The following CACNA2D2 variants were observed in gnomAD, a reference collection of about 807,000 sequenced individuals.
CACNA2D2 encodes voltage-dependent calcium channel subunit alpha-2/delta-2.
Under a neutral mutation model 166.4 loss-of-function variants are expected in CACNA2D2, and 48 were observed. That is an observed-to-expected ratio of 0.29 (90% CI 0.23 to 0.37). CACNA2D2 has a LOEUF of 0.37. Ranked by LOEUF, CACNA2D2 falls within the 10% of genes least tolerant of loss-of-function variation. The pLI, the probability that CACNA2D2 is intolerant of heterozygous loss-of-function variation, is 1.00. For synonymous variants in CACNA2D2, 561 were observed against 573.7 expected, an observed-to-expected ratio of 0.98 and a Z score of 0.32; for missense variants, 1,122 against 1,433.0, an observed-to-expected ratio of 0.78 and a Z score of 3.50.
chr3:50,432,343 G>A (rs1411816442), intron 3 of CACNA2D2, among the ~76,000 whole-genome samples: 1 of 152,240 alleles, frequency 6.6e-6, no homozygotes, highest in South Asian at 2.1e-4. Flanking sequence ...TGCTGTGCCG[G>A]CCTGGCTGAG....
intron 2 of CACNA2D2, among the ~76,000 whole-genome samples, chr3:50,455,159 T>C (rs1026266840): frequency 6.6e-6 from 1 of 152,142 alleles, no homozygotes; most frequent in African/African-American, 2.4e-5. Flanking sequence ...CTGGTATACA[T>C]GCAGCTGAGC....
At chr3:50,368,916 A>T (rs1435141622) in intron 23 of CACNA2D2, among the ~76,000 whole-genome samples, 1 of 152,186 alleles carries the variant, frequency 6.6e-6, no homozygotes, top group Non-Finnish European at 1.5e-5. Context: ...CAATCCCTCT[A>T]CCCTGATAGG....
chr3:50,480,219 C>G (rs1474144561), intron 1 of CACNA2D2, among the ~76,000 whole-genome samples: 1 of 152,190 alleles, frequency 6.6e-6, no homozygotes, highest in Non-Finnish European at 1.5e-5. Flanking sequence ...GACATTGTAG[C>G]CTTTGGGAAG....
rs1704214193 is a variant in CACNA2D2 at position 50,365,608 on chromosome 3, GA to G, written c.2971+24del. 1.9e-6 allele frequency: 3 copies of G among 1,573,044 alleles called. No homozygotes were observed. The highest frequency in any genetic ancestry group is 2.7e-5 in the African/African-American group (2 of 74,404). ...CTCAGATTGGGGACCCGGACTTGAG[GA>G]GGCGCCTCCAAAGCCCTACCTACCT... On this transcript the variant is annotated intron_variant, in intron 34 of 37. Transcript: ENST00000424201. This position sits in a 1 kb window ranked among gnomAD's most constrained non-coding sequence, Gnocchi z 4.5.
In CACNA2D2 at chr3:50,365,542, C is replaced by T; in HGVS notation, c.2972-60G>A. 1.3e-6 allele frequency: 2 copies of T among 1,599,818 alleles called. No homozygotes were observed. Among genetic ancestry groups the T allele is most frequent in the Non-Finnish European group, 1.7e-6 (2 of 1,173,058 alleles). On this transcript the variant is annotated intron_variant, in intron 34 of 37. Transcript: ENST00000424201. The surrounding 1 kb of genome is among the most constrained non-coding windows in gnomAD (Gnocchi z 4.5). ...AGACCCTGGCAAGGTCTCCGGCCTC[C>T]CTCAGTCGTAGACCCCACCCTCCCC... is the stretch of plus-strand genomic sequence containing the variant.
At chr3:50,403,374 GCCTGA>G (rs1415444291) in intron 3 of CACNA2D2, among the ~76,000 whole-genome samples, 1 of 152,098 alleles carries the variant, frequency 6.6e-6, no homozygotes, top group African/African-American at 2.4e-5. Flanking sequence ...TCTAAACTTG[GCCTGA>G]CCTGTTTTCT....
intron 2 of CACNA2D2, among the ~76,000 whole-genome samples, chr3:50,448,700 C>T (rs1383820204): frequency 6.6e-6 from 1 of 152,118 alleles, no homozygotes; most frequent in Non-Finnish European, 1.5e-5. Context: ...CAGGGAACAT[C>T]TGTGTGTGTG....
chr3:50,370,587 T>C (rs1355580725), intron 22 of CACNA2D2, among the ~76,000 whole-genome samples: 1 of 151,880 alleles, frequency 6.6e-6, no homozygotes, highest in East Asian at 1.9e-4. Flanking sequence ...GACTACAGCA[T>C]CGCAGGAGGA....
chr3:50,478,872 TC>T (rs1482250234), intron 1 of CACNA2D2, among the ~76,000 whole-genome samples: 3 of 152,184 alleles, frequency 2.0e-5, no homozygotes, highest in Non-Finnish European at 4.4e-5. Context: ...ACCATGTTTT[TC>T]CCCCTGGAGA....
chr3:50,366,345 G>C lies in CACNA2D2; in HGVS notation c.2638-7C>G, dbSNP rs780942169. On this transcript the variant is annotated splice_polypyrimidine_tract_variant and splice_region_variant and intron_variant, in intron 30 of 37. Coordinates refer to ENST00000424201, the MANE Select transcript of CACNA2D2 (RefSeq NM_006030.4). The surrounding 1 kb of genome is among the most constrained non-coding windows in gnomAD (Gnocchi z 5.9). ...TGAGGACACAGAGTAAGTCCTAGGA[G>C]GAAGGGAATGGGGAGGAAAATGGAG... 10 of 1,613,730 alleles carry C rather than the reference G, an allele frequency of 6.2e-6. No individual in the cohort carries two copies. The African/African-American group carries it at 1.2e-4, about 19-fold the overall frequency.
intron 2 of CACNA2D2, among the ~76,000 whole-genome samples, chr3:50,439,115 G>A (rs1004161093): frequency 6.6e-6 from 1 of 152,222 alleles, no homozygotes; most frequent in African/African-American, 2.4e-5. Context: ...GTACAGTTCT[G>A]TACCCCACCT....
chr3:50,401,343 A>G (rs1435247250), intron 3 of CACNA2D2, among the ~76,000 whole-genome samples: 2 of 152,180 alleles, frequency 1.3e-5, no homozygotes, highest in African/African-American at 4.8e-5. Flanking sequence ...GCAGCAGGGC[A>G]GCCGCCACTC....
intron 3 of CACNA2D2, among the ~76,000 whole-genome samples, chr3:50,407,727 T>A (rs1302332960): frequency 6.6e-6 from 1 of 152,134 alleles, no homozygotes; most frequent in Non-Finnish European, 1.5e-5. Context: ...AGGAGAACAG[T>A]GAGCATCCAA....
At chr3:50,476,034 T>C in intron 2 of CACNA2D2, 84 bp downstream of exon 2, 1 of 1,254,036 alleles carries the variant, frequency 8.0e-7, no homozygotes, top group Non-Finnish European at 1.1e-6. Context: ...TTAAACCAAA[T>C]CTTCCTCACT....
chr3:50,421,486 CT>C (rs1707559330), intron 3 of CACNA2D2, among the ~76,000 whole-genome samples: 1 of 152,044 alleles, frequency 6.6e-6, no homozygotes, highest in Admixed American at 6.5e-5. Flanking sequence ...TCCATTTTCT[CT>C]CTTTAAATGT....
At chr3:50,393,661 G>A (rs1559905700) in intron 4 of CACNA2D2, among the ~76,000 whole-genome samples, 1 of 152,250 alleles carries the variant, frequency 6.6e-6, no homozygotes, top group Non-Finnish European at 1.5e-5. Context: ...CAGCCTGAGG[G>A]CCTCCAGGGT....
intron 2 of CACNA2D2, among the ~76,000 whole-genome samples, chr3:50,438,826 A>G (rs1708464835): frequency 1.3e-5 from 2 of 152,174 alleles, no homozygotes; most frequent in African/African-American, 2.4e-5. Context: ...GAGGAAAAGG[A>G]GAGAGGAGAG....
chr3:50,438,383 G>GGGCAAGTCCGGCCA (rs1169033247), intron 2 of CACNA2D2, among the ~76,000 whole-genome samples: 1 of 152,194 alleles, frequency 6.6e-6, no homozygotes, highest in Non-Finnish European at 1.5e-5. Flanking sequence ...TCTTCAGTTA[G>GGGCAAGTCCGGCCA]GCATCAGGGC....
At chr3:50,402,319 C>G (rs1411559383) in intron 3 of CACNA2D2, among the ~76,000 whole-genome samples, 1 of 152,180 alleles carries the variant, frequency 6.6e-6, no homozygotes, top group Non-Finnish European at 1.5e-5. Context: ...GAAACCCACC[C>G]TCTAGAGATT....
Sources: gnomAD v4.1 joint callset for allele counts (sites outside exome capture counted in the v4.1 genomes callset) on GRCh38, gnomAD v4.1.1 for gene constraint, Gnocchi (gnomAD v3.1) non-coding constraint, MANE v1.5 for transcripts, NCBI Gene and HGNC (gene_info 2026-07-23, HGNC 2026-07-21) for gene names.